Variants in FRS2 observed in about 807,000 individuals in gnomAD.
The protein encoded by FRS2 is fibroblast growth factor receptor substrate 2, also known as FGFR signalling adaptor.
Under a neutral mutation model 43.9 loss-of-function variants are expected in FRS2, and 8 were observed. That is an observed-to-expected ratio of 0.18 (90% CI 0.11 to 0.33). FRS2 has a LOEUF of 0.33. Among genes scored for constraint, FRS2 ranks in the 10% least tolerant of loss-of-function variants. FRS2 has a pLI of 1.00. For missense variants in FRS2, 534 were observed against 627.6 expected (o/e 0.85, Z 1.59); for synonymous variants, 219 against 220.3 (o/e 0.99, Z 0.05).
At chr12:69,485,111 A>G (rs983740950) in intron 1 of FRS2, among the ~76,000 whole-genome samples, 2 of 146,986 alleles carry the variant, frequency 1.4e-5, no homozygotes, top group African/African-American at 2.6e-5. Context: ...ACACACACAC[A>G]CACACACACA....
intron 6 of FRS2, among the ~76,000 whole-genome samples, chr12:69,570,859 A>G (rs1880694939): frequency 6.6e-6 from 1 of 152,224 alleles, no homozygotes. Flanking sequence ...TCTTCTCTAT[A>G]AAAGGGAAAT....
At chr12:69,520,194 C>T (rs1016144616) in intron 1 of FRS2, among the ~76,000 whole-genome samples, 2 of 150,724 alleles carry the variant, frequency 1.3e-5, no homozygotes, top group African/African-American at 2.4e-5. Context: ...TTGTTGGCCA[C>T]GTTTATGTGT....
chr12:69,570,570 C>A, intron 6 of FRS2, 53 bp downstream of exon 6: 1 of 1,085,666 alleles, frequency 9.2e-7, no homozygotes, highest in Non-Finnish European at 1.4e-6. Context: ...GTTTTTTCAG[C>A]TATTCTGTAT....
chr12:69,542,042 T>A (rs778456770), intron 3 of FRS2, among the ~76,000 whole-genome samples: 7 of 152,180 alleles, frequency 4.6e-5, no homozygotes, highest in Admixed American at 1.3e-4. Flanking sequence ...GATTTTATTA[T>A]CTTTTTATTA....
At chr12:69,483,468 A>G (rs1007575197) in intron 1 of FRS2, among the ~76,000 whole-genome samples, 14 of 152,242 alleles carry the variant, frequency 9.2e-5, no homozygotes, top group Admixed American at 2.0e-4. Flanking sequence ...TTTAATTCAT[A>G]AAGTGAAATC....
At chr12:69,536,577 T>A (rs868838802) in intron 3 of FRS2, among the ~76,000 whole-genome samples, 6 of 102,616 alleles carry the variant, frequency 5.8e-5, no homozygotes, top group Non-Finnish European at 7.4e-5. Context: ...TTTTTTTTTT[T>A]AATTTTTTTT....
chr12:69,517,896 C>T lies in FRS2; in HGVS notation c.-260-12969C>T, dbSNP rs969604494. Among the ~76,000 whole-genome samples the T allele has an allele frequency of 3.3e-5, 5 of 152,100 alleles. 1 individual carries two copies. In the South Asian group the frequency reaches 6.2e-4, roughly 19 times the overall value. ...AATGATTTCACAGGCATTTTCCCCCCACTCTAAAAATATGTTGTAATGTGG... is the reference window on the plus strand; with the variant it reads ...AATGATTTCACAGGCATTTTCCCCCTACTCTAAAAATATGTTGTAATGTGG... On this transcript the variant is annotated intron_variant, in intron 1 of 8. Coordinates refer to ENST00000549921, the MANE Select transcript of FRS2 (RefSeq NM_001278356.2).
At chr12:69,541,924 T>C (rs1011376601) in intron 3 of FRS2, among the ~76,000 whole-genome samples, 1 of 151,856 alleles carries the variant, frequency 6.6e-6, no homozygotes, top group Admixed American at 6.6e-5. Flanking sequence ...GTCTTCTTAT[T>C]CTTTGATGTA....
At chr12:69,503,516 C>T (rs963979511) in intron 1 of FRS2, among the ~76,000 whole-genome samples, 1 of 152,178 alleles carries the variant, frequency 6.6e-6, no homozygotes, top group Non-Finnish European at 1.5e-5. Flanking sequence ...GTCCCCATTG[C>T]ATGGCTGCCA....
At chr12:69,476,246 A>C (rs573403263) in intron 1 of FRS2, among the ~76,000 whole-genome samples, 51 of 152,316 alleles carry the variant, frequency 3.3e-4, no homozygotes, top group African/African-American at 1.2e-3. Context: ...ATTCACAGTC[A>C]ATACTTATAA....
intron 1 of FRS2, among the ~76,000 whole-genome samples, chr12:69,493,848 A>C (rs1872664579): frequency 6.6e-6 from 1 of 152,242 alleles, no homozygotes; most frequent in South Asian, 2.1e-4. Flanking sequence ...CTAGCTGCAT[A>C]TACATAGGAT....
At chr12:69,498,519 T>TTGTGTGTGTGTGTG (rs71094717) in intron 1 of FRS2, among the ~76,000 whole-genome samples, 13,581 of 141,386 alleles carry the variant, frequency 0.096, 768 homozygotes, top group South Asian at 0.19. Flanking sequence ...TTATGAGGGT[T>TTGTGTGTGTGTGTG]TGTGTGTGTG....
At position 69,574,804 on chromosome 12, in the gene FRS2, C is replaced by A; in HGVS notation, c.1376C>A (p.Pro459His). ...CAGACTCCAAAAACGCCTACAACTCCCCTTCCACAAACCCCTACCAGGCGC... is the reference window on the plus strand; with the variant it reads ...CAGACTCCAAAAACGCCTACAACTCACCTTCCACAAACCCCTACCAGGCGC... ...NPQTPKTPTTPLPQTPTRRTE... is the reference protein window; with the variant it reads ...NPQTPKTPTTHLPQTPTRRTE... The change falls in exon 9 of 9, where the codon CCC becomes CAC. Residue 459 changes from proline (P) to histidine (H), a missense_variant. By Grantham distance (77) the Pro-to-His change is moderately conservative. Transcript: ENST00000549921. 4 of 1,614,098 alleles carry A rather than the reference C, an allele frequency of 2.5e-6. No individual in the cohort carries two copies. Among genetic ancestry groups the A allele is most frequent in the Non-Finnish European group, 3.4e-6 (4 of 1,180,020 alleles).
intron 1 of FRS2, among the ~76,000 whole-genome samples, chr12:69,490,279 C>G (rs1034803375): frequency 6.6e-6 from 1 of 151,986 alleles, no homozygotes; most frequent in Non-Finnish European, 1.5e-5. Flanking sequence ...TATTAAATAG[C>G]AACATTTAAA....
chr12:69,485,134 C>CACACACACACACACACACACAG (rs1194988609), intron 1 of FRS2, among the ~76,000 whole-genome samples: 1 of 134,272 alleles, frequency 7.4e-6, no homozygotes. Flanking sequence ...CACACACACA[C>CACACACACACACACACACACAG]ACTCTCACCC....
chr12:69,489,065 CTG>C (rs1468452407), intron 1 of FRS2, among the ~76,000 whole-genome samples: 2 of 152,124 alleles, frequency 1.3e-5, no homozygotes, highest in Non-Finnish European at 2.9e-5. Context: ...GATGAAAAAA[CTG>C]AGGCCTCAGA....
chr12:69,542,065 T>G (rs750038704), intron 3 of FRS2, among the ~76,000 whole-genome samples: 12 of 152,166 alleles, frequency 7.9e-5, no homozygotes, highest in Non-Finnish European at 7.3e-5. Context: ...AAAGCAGATA[T>G]TATCAGGGCC....
chr12:69,493,098 G>A lies in FRS2; in HGVS notation c.-261+22568G>A, dbSNP rs912579761. Among the ~76,000 whole-genome samples the A allele has an allele frequency of 1.2e-4, 19 of 152,288 alleles. No homozygotes were observed. In the South Asian group the frequency reaches 1.4e-3, roughly 12 times the overall value. On this transcript the variant is annotated intron_variant, in intron 1 of 8. Transcript: ENST00000549921. ...CTTTAGAAAGAGATCTTAAAACTCC[G>A]CTGACATTTGCAAAGCCAGTGTCTT...
chr12:69,543,274 T>C (rs1472100873), intron 3 of FRS2, among the ~76,000 whole-genome samples: 1 of 152,222 alleles, frequency 6.6e-6, no homozygotes, highest in African/African-American at 2.4e-5. Flanking sequence ...AAGCATTTGG[T>C]TGTAGTTTTA....
Sources: gnomAD v4.1 joint callset for allele counts (sites outside exome capture counted in the v4.1 genomes callset) on GRCh38, gnomAD v4.1.1 for gene constraint, MANE v1.5 for transcripts, NCBI Gene and HGNC (gene_info 2026-07-23, HGNC 2026-07-21) for gene names.